Variants in CBLB observed in about 807,000 individuals in gnomAD.
CBLB encodes Cbl proto-oncogene B.
A neutral mutation model predicts 104.9 loss-of-function variants in CBLB; 31 were observed. That is an observed-to-expected ratio of 0.30 (90% CI 0.22 to 0.40). The LOEUF (loss-of-function observed/expected upper bound fraction) is 0.40, where lower values mean the gene tolerates loss of function less well. Among genes scored for constraint, CBLB ranks in the 10% least tolerant of loss-of-function variants. The pLI is 1.00. For synonymous variants in CBLB, 440 were observed against 422.6 expected (o/e 1.04, Z -0.51); for missense variants, 1,062 against 1,214.6 (o/e 0.87, Z 1.87).
intron 2 of CBLB, among the ~76,000 whole-genome samples, chr3:105,865,920 C>T (rs1354455744): frequency 6.6e-6 from 1 of 152,178 alleles, no homozygotes; most frequent in Non-Finnish European, 1.5e-5. Context: ...CAAATGCACA[C>T]TCTTTAGCAA....
In CBLB at chr3:105,868,751, C is replaced by T. The variant is rs924389698; in HGVS notation, c.-30G>A. 3.0e-6 allele frequency: 3 copies of T among 989,042 alleles called. No individual in the cohort carries two copies. The highest frequency in any genetic ancestry group is 3.6e-6 in the Non-Finnish European group (3 of 832,026). The allele number at this position is 989,042 out of a possible 1,614,324, so 61.3% of individuals were successfully genotyped here. A position where few individuals can be genotyped will look rare whatever the true frequency, so the allele number is the denominator to read the frequency against. Reference sequence around the variant, plus strand: ...CCCTTCTTGCCTTTCGGCGCCGTAGCTGTCCAGAGACACGCGTGTGCGCGG... The same window carrying T: ...CCCTTCTTGCCTTTCGGCGCCGTAGTTGTCCAGAGACACGCGTGTGCGCGG... On this transcript the variant is annotated 5_prime_UTR_variant, in exon 1 of 19. Transcript: ENST00000394030.
intron 3 of CBLB, among the ~76,000 whole-genome samples, chr3:105,783,381 A>G (rs1245563437): frequency 6.6e-6 from 1 of 152,138 alleles, no homozygotes; most frequent in Non-Finnish European, 1.5e-5. Context: ...TTCTTTTTCC[A>G]TATAACTATC....
At chr3:105,675,444 A>G (rs998140610) in intron 17 of CBLB, among the ~76,000 whole-genome samples, 1 of 152,228 alleles carries the variant, frequency 6.6e-6, no homozygotes, top group African/African-American at 2.4e-5. Flanking sequence ...TTTGCAAAAC[A>G]ATACTCAAAT....
chr3:105,699,321 T>G lies in CBLB; in HGVS notation c.1959+2773A>C, dbSNP rs180899543. Among the ~76,000 whole-genome samples the G allele has an allele frequency of 2.6e-5, 4 of 152,176 alleles. No individual in the cohort carries two copies. The East Asian group carries it at 7.7e-4, about 29-fold the overall frequency. On this transcript the variant is annotated intron_variant, in intron 12 of 18. Transcript: ENST00000394030. ...TTTGACACTCTATGTACAGCTGTTA[T>G]TTTTGGTTTTATTCCTGAACCAAGG...
chr3:105,662,897 T>C (rs1227872009), intron 18 of CBLB, among the ~76,000 whole-genome samples: 1 of 152,186 alleles, frequency 6.6e-6, no homozygotes, highest in Non-Finnish European at 1.5e-5. Flanking sequence ...AGACCATCAA[T>C]ACTACAGTTA....
At chr3:105,717,602 C>G (rs1333368561) in intron 10 of CBLB, among the ~76,000 whole-genome samples, 1 of 152,124 alleles carries the variant, frequency 6.6e-6, no homozygotes, top group Non-Finnish European at 1.5e-5. Context: ...ATTCTTTCAA[C>G]AATTTAGGGA....
intron 5 of CBLB, among the ~76,000 whole-genome samples, chr3:105,748,061 A>G (rs1413700678): frequency 6.6e-6 from 1 of 152,206 alleles, no homozygotes; most frequent in African/African-American, 2.4e-5. Context: ...TTCTTTTTAA[A>G]GTATTTCGAC....
intron 4 of CBLB, among the ~76,000 whole-genome samples, chr3:105,771,589 G>A (rs536253414): frequency 5.3e-5 from 8 of 151,820 alleles, no homozygotes; most frequent in East Asian, 1.9e-4. Flanking sequence ...AGAGGAAGTC[G>A]AACTGTCATC....
intron 2 of CBLB, among the ~76,000 whole-genome samples, chr3:105,859,272 A>C (rs925459624): frequency 2.0e-5 from 3 of 152,228 alleles, no homozygotes; most frequent in Non-Finnish European, 2.9e-5. Flanking sequence ...TTTCATTATA[A>C]AACACGCCTC....
At chr3:105,856,713 T>C (rs1421665821) in intron 2 of CBLB, among the ~76,000 whole-genome samples, 1 of 152,150 alleles carries the variant, frequency 6.6e-6, no homozygotes, top group Non-Finnish European at 1.5e-5. Flanking sequence ...AATAATAGTA[T>C]TTTTATCTCC....
intron 1 of CBLB, 156 bp downstream of exon 1, chr3:105,868,579 TG>T: frequency 2.5e-6 from 1 of 394,168 alleles, no homozygotes; most frequent in South Asian, 1.1e-4. Flanking sequence ...CTGCGGGTTC[TG>T]GTCTTTAAAT....
intron 10 of CBLB, among the ~76,000 whole-genome samples, chr3:105,705,391 C>A (rs1383951003): frequency 6.6e-6 from 1 of 152,054 alleles, no homozygotes; most frequent in South Asian, 2.1e-4. Flanking sequence ...TTTTTCTTCT[C>A]CAGGATTTCA....
At position 105,734,685 on chromosome 3, in the gene CBLB, C is replaced by T. The variant is rs73854395; in HGVS notation, c.1072-545G>A. ...TTACTATTTCACTTCATCTCCAAAG[C>T]ACAAGAAGATATATTGAACTTAACA... On this transcript the variant is annotated intron_variant, in intron 8 of 18. Transcript: ENST00000394030. Among the ~76,000 whole-genome samples the T allele has an allele frequency of 6.4e-3, 976 of 152,300 alleles. 12 individuals are homozygous for T. The highest frequency in any genetic ancestry group is 0.022 in the African/African-American group (935 of 41,560).
At chr3:105,663,193 G>GTTACTGCTGTTACTATTTGAGACCA (rs2063995526) in intron 18 of CBLB, among the ~76,000 whole-genome samples, 2 of 63,974 alleles carry the variant, frequency 3.1e-5, no homozygotes, top group Non-Finnish European at 6.9e-5. Flanking sequence ...ATTTGAGACA[G>GTTACTGCTGTTACTATTTGAGACCA]TCATTACAAC....
chr3:105,668,129 T>C (rs922387499), intron 18 of CBLB, among the ~76,000 whole-genome samples: 2 of 152,208 alleles, frequency 1.3e-5, no homozygotes, highest in African/African-American at 2.4e-5. Flanking sequence ...ATTGAAATAT[T>C]TGATGTTACA....
chr3:105,659,205 G>T lies in CBLB; in HGVS notation c.2714C>A (p.Pro905His), dbSNP rs199663847. ...AGTCCTGCGCGGTCGTGGTTTAGGG[G>T]GTCTGGCTGGTGCCTGTGAACCATC... is the stretch of plus-strand genomic sequence containing the variant. ...CSDGSQAPARPPKPRPRRTAP... is the reference protein window; with the variant it reads ...CSDGSQAPARHPKPRPRRTAP... Residue 905 changes from proline to histidine, a missense_variant, in exon 19 of 19, where the codon CCC (proline) becomes CAC (histidine). This residue lies in a region of CBLB where 605 missense variants were observed against 582.6 expected (regional missense o/e 1.04). Coordinates refer to ENST00000394030, the MANE Select transcript of CBLB (RefSeq NM_170662.5). 1.9e-6 allele frequency: 3 copies of T among 1,613,684 alleles called. No individual in the cohort carries two copies. Among genetic ancestry groups the T allele is most frequent in the East Asian group, 2.2e-5 (1 of 44,862 alleles).
At chr3:105,746,662 T>C (rs2076128879) in intron 5 of CBLB, among the ~76,000 whole-genome samples, 1 of 152,222 alleles carries the variant, frequency 6.6e-6, no homozygotes, top group Non-Finnish European at 1.5e-5. Context: ...TATTTAAAAT[T>C]GTTACCTCTT....
At chr3:105,735,032 T>C (rs976397532) in intron 8 of CBLB, among the ~76,000 whole-genome samples, 3 of 152,178 alleles carry the variant, frequency 2.0e-5, no homozygotes, top group African/African-American at 7.2e-5. Context: ...GAAAAGGAAT[T>C]ATGAAACCAA....
intron 10 of CBLB, among the ~76,000 whole-genome samples, chr3:105,712,648 T>G (rs1249267562): frequency 3.9e-5 from 6 of 152,196 alleles, no homozygotes; most frequent in Admixed American, 3.9e-4. Flanking sequence ...ATAAGAACAT[T>G]GTAACCTTAT....
Sources: allele counts gnomAD v4.1 joint callset (sites outside exome capture counted in the v4.1 genomes callset), GRCh38; gene constraint gnomAD v4.1.1; regional missense constraint gnomAD v4.1.1; transcripts MANE v1.5; gene names NCBI Gene and HGNC (gene_info 2026-07-23, HGNC 2026-07-21).